Variants in ADAM15 observed in about 807,000 individuals in gnomAD.
The protein encoded by ADAM15 is disintegrin and metalloproteinase domain-containing protein 15.
ADAM15 carries 77 observed loss-of-function variants against 113.8 expected under a neutral mutation model. The observed-to-expected ratio is 0.68, with a 90% CI of 0.56 to 0.82. The LOEUF (loss-of-function observed/expected upper bound fraction) is 0.82, where lower values mean the gene tolerates loss of function less well. Ranked by LOEUF, ADAM15 falls within the 40% of genes least tolerant of loss-of-function variation. ADAM15 has a pLI of 0.00. For missense variants in ADAM15, 963 were observed against 1,120.1 expected (o/e 0.86, Z 2.00); for synonymous variants, 388 against 454.1 (o/e 0.85, Z 1.85).
rs1175553715 is a variant in ADAM15 at position 155,056,618 on chromosome 1, C to A, written c.999+148C>A. On this transcript the variant is annotated intron_variant, in intron 10 of 22. Transcript: ENST00000356955. The surrounding 1 kb of genome is among the most constrained non-coding windows in gnomAD (Gnocchi z 4.0). ...AGGTACGTGATGTGGCCTTTGCTAT[C>A]AGGGAGCCCTCGCTTATGGCCAGCT... 1 of 791,392 alleles carries A rather than the reference C, an allele frequency of 1.3e-6. No homozygotes were observed. The allele number at this position is 791,392 out of a possible 1,614,324, so 49.0% of individuals were successfully genotyped here.
chr1:155,058,281 G>A lies in ADAM15; in HGVS notation c.1757G>A (p.Gly586Asp). The A allele has an allele frequency of 6.2e-7, 1 of 1,614,086 alleles. No individual in the cohort carries two copies. The highest frequency in any genetic ancestry group is 1.1e-5 in the South Asian group (1 of 91,078). The change falls in exon 15 of 23, where the codon GGT (glycine) becomes GAT (aspartate). Residue 586 changes from glycine (G) to aspartate (D), a missense_variant. Transcript: ENST00000356955. The surrounding 1 kb of genome is among the most constrained non-coding windows in gnomAD (Gnocchi z 4.3). The stretch of plus-strand genomic sequence containing the variant: ...TGTGGGCAGCTCCAGTGCCAGACAG[G>A]TAGGACCCAGCCTCTGCTGGGCTCC... ...AICGQLQCQT[G>D]RTQPLLGSIR...
At chr1:155,052,267 G>T in intron 1 of ADAM15, 1 of 545,432 alleles carries the variant, frequency 1.8e-6, no homozygotes, top group East Asian at 3.1e-5. Flanking sequence ...TCTCCGATGT[G>T]AGCGAAGGGG....
chr1:155,052,300 CA>C (rs1263871920), intron 1 of ADAM15: 1 of 572,088 alleles, frequency 1.7e-6, no homozygotes, highest in African/African-American at 2.0e-5. Context: ...CACCCGGCCA[CA>C]AGGCTTAGCT....
chr1:155,062,030 G>A lies in ADAM15; in HGVS notation c.2424+55G>A, dbSNP rs1293010972. ...CTCTCCCCCCACCTAGGGCTGTGGT[G>A]CTGGTAGCCATGACGGTGGTGGCCG... On this transcript the variant is annotated intron_variant, in intron 21 of 22. Transcript: ENST00000356955. The surrounding 1 kb of genome is among the most constrained non-coding windows in gnomAD (Gnocchi z 7.0). 1 of 1,493,602 alleles carries A rather than the reference G, an allele frequency of 6.7e-7. No homozygotes were observed. The highest frequency in any genetic ancestry group is 8.9e-7 in the Non-Finnish European group (1 of 1,119,074). The allele number at this position is 1,493,602 out of a possible 1,614,324, so 92.5% of individuals were successfully genotyped here. A position where few individuals can be genotyped will look rare whatever the true frequency, so the allele number is the denominator to read the frequency against.
At chr1:155,051,500 A>T in intron 1 of ADAM15, 35 bp downstream of exon 1, 2 of 1,496,476 alleles carry the variant, frequency 1.3e-6, no homozygotes, top group Non-Finnish European at 1.8e-6. Flanking sequence ...CGGGGGGCGG[A>T]CTGGGAGGGA....
chr1:155,057,402 T>C lies in ADAM15; in HGVS notation c.1323+40T>C, dbSNP rs747301791. 8.1e-6 allele frequency: 13 copies of C among 1,610,032 alleles called. No homozygotes were observed. On this transcript the variant is annotated intron_variant, in intron 12 of 22. Coordinates refer to ENST00000356955, the MANE Select transcript of ADAM15 (RefSeq NM_207197.3). This position sits in a 1 kb window ranked among gnomAD's most constrained non-coding sequence, Gnocchi z 5.0. Reference sequence around the variant, plus strand: ...CAAAGCCTCGCCCCACTCACTTCTGTACCCTCACCCTGGCTCATTAGCCCT... The same window carrying C: ...CAAAGCCTCGCCCCACTCACTTCTGCACCCTCACCCTGGCTCATTAGCCCT...
At position 155,053,463 on chromosome 1, in the gene ADAM15, A is replaced by G; in HGVS notation, c.233A>G (p.Asp78Gly). The change falls in exon 3 of 23, where the codon GAC becomes GGC. Residue 78 changes from aspartate (D) to glycine (G), a missense_variant. Asp to Gly is a moderately conservative substitution (Grantham distance 94, BLOSUM62 -1). Coordinates refer to ENST00000356955, the MANE Select transcript of ADAM15 (RefSeq NM_207197.3). Reference protein sequence around the residue: ...PLRIKLELDGDSHILELLQNR... With the variant: ...PLRIKLELDGGSHILELLQNR... ...AGGATCAAGTTGGAGCTGGACGGTG[A>G]CAGTCATATCCTGGAGCTGCTACAG... The G allele has an allele frequency of 6.2e-7, 1 of 1,614,170 alleles. No homozygotes were observed. Among genetic ancestry groups the G allele is most frequent in the Non-Finnish European group, 8.5e-7 (1 of 1,180,028 alleles).
chr1:155,060,145 G>A lies in ADAM15; in HGVS notation c.2069-60G>A, dbSNP rs373041917. On this transcript the variant is annotated intron_variant, in intron 17 of 22. Coordinates refer to ENST00000356955, the MANE Select transcript of ADAM15 (RefSeq NM_207197.3). ...CTTGACTTCACTCCCTGCCCCCTGC[G>A]CCTTCATGGATCTAGAGTTCTTAGC... The A allele has an allele frequency of 4.1e-5, 66 of 1,600,186 alleles. 1 individual carries two copies. The African/African-American group carries it at 5.9e-4, about 14-fold the overall frequency.
Position 155,056,202 on chromosome 1 carries a change from G to T in ADAM15, c.867G>T (p.Arg289Ser), listed in dbSNP as rs376704304. The change falls in exon 9 of 23, where the codon AGG (arginine) becomes AGT (serine). Residue 289 changes from arginine to serine, a missense_variant. By Grantham distance (110) the Arg-to-Ser change is moderately radical (BLOSUM62 -1). Transcript: ENST00000356955. The surrounding 1 kb of genome is among the most constrained non-coding windows in gnomAD (Gnocchi z 4.0). ...VTLENFLHWR[R>S]AHLLPRLPHD... Reference sequence around the variant, plus strand: ...TCGAAAACTTCCTCCACTGGCGCAGGGCACATTTGCTGCCTCGATTGCCCC... The same window carrying T: ...TCGAAAACTTCCTCCACTGGCGCAGTGCACATTTGCTGCCTCGATTGCCCC... The T allele has an allele frequency of 6.2e-7, 1 of 1,614,024 alleles. No homozygotes were observed. The highest frequency in any genetic ancestry group is 1.7e-5 in the Admixed American group (1 of 60,020).
chr1:155,058,046 G>A lies in ADAM15; in HGVS notation c.1612G>A (p.Gly538Arg), dbSNP rs2102410155. 6.2e-7 allele frequency: 1 copy of A among 1,614,114 alleles called. No homozygotes were observed. The highest frequency in any genetic ancestry group is 8.5e-7 in the Non-Finnish European group (1 of 1,180,006). ...AQQCQSLWGP[G>R]AQPAAPLCLQ... Reference sequence around the variant, plus strand: ...GCAGTGCCAGTCACTTTGGGGACCTGGAGCCCAGCCCGCTGCGCCACTTTG... The same window carrying A: ...GCAGTGCCAGTCACTTTGGGGACCTAGAGCCCAGCCCGCTGCGCCACTTTG... The change falls in exon 14 of 23, where the codon GGA becomes AGA. Residue 538 changes from glycine to arginine, a missense_variant. By Grantham distance (125) the Gly-to-Arg change is moderately radical. Transcript: ENST00000356955. The surrounding 1 kb of genome is among the most constrained non-coding windows in gnomAD (Gnocchi z 4.3).
chr1:155,060,108 T>C (rs1662367824), intron 17 of ADAM15, 97 bp from the exon 18 acceptor site: 12 of 1,575,628 alleles, frequency 7.6e-6, no homozygotes, highest in Non-Finnish European at 1.0e-5. Context: ...AACCCTTCAC[T>C]CTCCCTGATC....
At position 155,057,427 on chromosome 1, in the gene ADAM15, T is replaced by C; in HGVS notation, c.1323+65T>C. The C allele has an allele frequency of 6.3e-7, 1 of 1,594,058 alleles. No homozygotes were observed. Among genetic ancestry groups the C allele is most frequent in the Non-Finnish European group, 8.6e-7 (1 of 1,165,600 alleles). On this transcript the variant is annotated intron_variant, in intron 12 of 22. Transcript: ENST00000356955. The surrounding 1 kb of genome is among the most constrained non-coding windows in gnomAD (Gnocchi z 5.0). ...TACCCTCACCCTGGCTCATTAGCCC[T>C]ATCCCAGCCTCCTGAGCTCTTGGGT...
chr1:155,052,650 G>T (rs1375453130), intron 1 of ADAM15, 21 bp from the exon 2 acceptor site: 1 of 1,586,350 alleles, frequency 6.3e-7, no homozygotes. Flanking sequence ...GTACTGTCTT[G>T]GGGTGTCCTG....
In ADAM15 at chr1:155,062,205, C is replaced by T; in HGVS notation, c.2425-40C>T. 6.9e-7 allele frequency: 1 copy of T among 1,442,998 alleles called. No homozygotes were observed. The highest frequency in any genetic ancestry group is 9.1e-7 in the Non-Finnish European group (1 of 1,094,564). The allele number at this position is 1,442,998 out of a possible 1,614,324, so 89.4% of individuals were successfully genotyped here. A position where few individuals can be genotyped will look rare whatever the true frequency, so the allele number is the denominator to read the frequency against. On this transcript the variant is annotated intron_variant, in intron 21 of 22. Transcript: ENST00000356955. This position sits in a 1 kb window ranked among gnomAD's most constrained non-coding sequence, Gnocchi z 7.0. The stretch of plus-strand genomic sequence containing the variant: ...TGCGTTGGGGGTGGGCAACATGACA[C>T]CCCCCCACCTAAGCCGGCCTCCTGC...
In ADAM15 at chr1:155,054,005, T is replaced by G. The variant is rs747613961; in HGVS notation, c.342+17T>G. On this transcript the variant is annotated intron_variant, in intron 4 of 22. Coordinates refer to ENST00000356955, the MANE Select transcript of ADAM15 (RefSeq NM_207197.3). ...CACACTTTGGTGAGTCAGGCCCTCT[T>G]GTGCCATTTTTGGCTTAGGGGAAAG... The G allele has an allele frequency of 1.2e-6, 2 of 1,614,098 alleles. No homozygotes were observed. The highest frequency in any genetic ancestry group is 2.2e-5 in the South Asian group (2 of 91,080).
intron 16 of ADAM15, 51 bp from the exon 17 acceptor site, chr1:155,059,851 G>A: frequency 6.3e-7 from 1 of 1,575,266 alleles, no homozygotes; most frequent in African/African-American, 1.4e-5. Flanking sequence ...TAGAGACAAG[G>A]AAATAGTTCC....
chr1:155,057,127 G>A lies in ADAM15; in HGVS notation c.1148+26G>A. On this transcript the variant is annotated intron_variant, in intron 11 of 22. Coordinates refer to ENST00000356955, the MANE Select transcript of ADAM15 (RefSeq NM_207197.3). The surrounding 1 kb of genome is among the most constrained non-coding windows in gnomAD (Gnocchi z 5.0). ...GTAAGTAGCTGCAGGATGGAGAGAG[G>A]GTGTGGGGCAGGGGGCAGGGAGAGG... 2 of 1,574,714 alleles carry A rather than the reference G, an allele frequency of 1.3e-6. No individual in the cohort carries two copies. Among genetic ancestry groups the A allele is most frequent in the Non-Finnish European group, 1.7e-6 (2 of 1,158,328 alleles).
In ADAM15 at chr1:155,062,590, G is replaced by C; in HGVS notation, c.*88G>C. ...CTGGAGTCCCCTACCATGACTGAAG[G>C]CGCCAGAGACTGGCGGTGTCTTAAG... On this transcript the variant is annotated 3_prime_UTR_variant, in exon 23 of 23. Coordinates refer to ENST00000356955, the MANE Select transcript of ADAM15 (RefSeq NM_207197.3). The surrounding 1 kb of genome is among the most constrained non-coding windows in gnomAD (Gnocchi z 7.0). The C allele has an allele frequency of 6.5e-7, 1 of 1,532,874 alleles. No individual in the cohort carries two copies. The highest frequency in any genetic ancestry group is 8.9e-7 in the Non-Finnish European group (1 of 1,127,550). The allele number at this position is 1,532,874 out of a possible 1,614,324, so 95.0% of individuals were successfully genotyped here. A position where few individuals can be genotyped will look rare whatever the true frequency, so the allele number is the denominator to read the frequency against.
chr1:155,052,426 A>G, intron 1 of ADAM15: 1 of 1,407,376 alleles, frequency 7.1e-7, no homozygotes, highest in African/African-American at 1.4e-5. Flanking sequence ...GGAGGGCCAC[A>G]GGCTGCGCAA....
Sources: allele counts gnomAD v4.1 joint callset, GRCh38; gene constraint gnomAD v4.1.1; non-coding constraint Gnocchi (gnomAD v3.1); transcripts MANE v1.5; gene names NCBI Gene and HGNC (gene_info 2026-07-23, HGNC 2026-07-21).